Variants in ZRANB1 observed in about 807,000 individuals in gnomAD.
ZRANB1 encodes the protein zinc finger RANBP2-type containing 1.
Under a neutral mutation model 80.5 loss-of-function variants are expected in ZRANB1, and 16 were observed. That is an observed-to-expected ratio of 0.20 (90% CI 0.13 to 0.30). The LOEUF (loss-of-function observed/expected upper bound fraction) is 0.30. ZRANB1 is among the 10% of genes least tolerant of loss of function. The pLI, the probability that ZRANB1 is intolerant of heterozygous loss-of-function variation, is 1.00. For synonymous variants in ZRANB1, 291 were observed against 293.1 expected, an observed-to-expected ratio of 0.99 and a Z score of 0.07; for missense variants, 576 against 862.6, an observed-to-expected ratio of 0.67 and a Z score of 4.16.
intron 1 of ZRANB1, among the ~76,000 whole-genome samples, chr10:124,960,222 C>A (rs1951722004): frequency 6.6e-6 from 1 of 152,054 alleles, no homozygotes; most frequent in Non-Finnish European, 1.5e-5. Context: ...TTTTCAGTGG[C>A]AAATTATAGG....
At chr10:124,959,568 G>A (rs1344838108) in intron 1 of ZRANB1, among the ~76,000 whole-genome samples, 5 of 152,004 alleles carry the variant, frequency 3.3e-5, no homozygotes, top group Non-Finnish European at 5.9e-5. Context: ...TTGGGCTCAA[G>A]GGATCCTCTC....
In ZRANB1 at chr10:124,986,834, G is replaced by A. The variant is rs1192489920; in HGVS notation, c.*1842G>A. ...CCCTCCCAATTGAAAAAGCCAAAGA[G>A]AATTGTTAGAGGGAAAAGCATGTAG... On this transcript the variant is annotated 3_prime_UTR_variant, in exon 9 of 9. Coordinates refer to ENST00000359653, the MANE Select transcript of ZRANB1 (RefSeq NM_017580.3). The A allele has an allele frequency of 6.6e-6, 1 of 152,186 alleles. No individual in the cohort carries two copies. The highest frequency in any genetic ancestry group is 1.9e-4 in the East Asian group (1 of 5,192). The allele number at this position is 152,186 out of a possible 1,614,324, so 9.4% of individuals were successfully genotyped here. A position where few individuals can be genotyped will look rare whatever the true frequency, so the allele number is the denominator to read the frequency against.
rs1489797741 is a variant in ZRANB1 at position 124,987,516 on chromosome 10, T to G, written c.*2524T>G. On this transcript the variant is annotated 3_prime_UTR_variant, in exon 9 of 9. Coordinates refer to ENST00000359653, the MANE Select transcript of ZRANB1 (RefSeq NM_017580.3). ...ACATATTCGTGAAGGTAAGATATTC[T>G]GTGTGCGCTTGGCCTCCTTTTCACG... 1 of 152,220 alleles carries G rather than the reference T, an allele frequency of 6.6e-6. No homozygotes were observed. The highest frequency in any genetic ancestry group is 6.5e-5 in the Admixed American group (1 of 15,288). The allele number at this position is 152,220 out of a possible 1,614,324, so 9.4% of individuals were successfully genotyped here.
Position 124,988,052 on chromosome 10 carries a change from A to C in ZRANB1, c.*3060A>C, listed in dbSNP as rs1157224508. 2 of 150,116 alleles carry C rather than the reference A, an allele frequency of 1.3e-5. No individual in the cohort carries two copies. Among genetic ancestry groups the C allele is most frequent in the African/African-American group, 2.5e-5 (1 of 39,904 alleles). 9.3% of individuals were successfully genotyped at this position (150,116 alleles called of 1,614,324 possible). A position where few individuals can be genotyped will look rare whatever the true frequency, so the allele number is the denominator to read the frequency against. ...GGGGTAGATTAAAGTCAGAACTCTA[A>C]AAGTTGAGCAACTTTGTTTTTTTTT... On this transcript the variant is annotated 3_prime_UTR_variant, in exon 9 of 9. Coordinates refer to ENST00000359653, the MANE Select transcript of ZRANB1 (RefSeq NM_017580.3).
chr10:124,933,186 G>C, the ZRANB1 span, among the ~76,000 whole-genome samples: 1 of 147,180 alleles, frequency 6.8e-6, no homozygotes, highest in Non-Finnish European at 1.5e-5. Context: ...GCCCAGGCTG[G>C]AGAGCAATGG....
chr10:124,936,446 G>A, the ZRANB1 span, among the ~76,000 whole-genome samples: 1 of 152,168 alleles, frequency 6.6e-6, no homozygotes, highest in Non-Finnish European at 1.5e-5. Context: ...TATTAATAGT[G>A]TCATTAATGG....
chr10:124,925,809 C>T, the ZRANB1 span, among the ~76,000 whole-genome samples: 2 of 152,256 alleles, frequency 1.3e-5, no homozygotes, highest in South Asian at 2.1e-4. Context: ...TGTTGAAACA[C>T]ACTTAGTTTT....
chr10:124,960,398 A>G (rs1236217648), intron 1 of ZRANB1, among the ~76,000 whole-genome samples: 3 of 152,146 alleles, frequency 2.0e-5, no homozygotes, highest in African/African-American at 7.2e-5. Context: ...ATAAATTATG[A>G]AAGTTTTTCC....
intron 2 of ZRANB1, among the ~76,000 whole-genome samples, chr10:124,968,873 T>G (rs915452866): frequency 6.6e-6 from 1 of 152,206 alleles, no homozygotes; most frequent in Non-Finnish European, 1.5e-5. Context: ...ACAGATTGTC[T>G]GGAAACTTAG....
At chr10:124,953,755 TTGA>T (rs1303736345) in intron 1 of ZRANB1, among the ~76,000 whole-genome samples, 1 of 152,256 alleles carries the variant, frequency 6.6e-6, no homozygotes, top group Non-Finnish European at 1.5e-5. Context: ...TACTTCTGTG[TTGA>T]TAGCTCAGTT....
At position 124,981,689 on chromosome 10, in the gene ZRANB1, T is replaced by A. The variant is rs755740970; in HGVS notation, c.1428-20T>A. 6 of 1,583,344 alleles carry A rather than the reference T, an allele frequency of 3.8e-6. No homozygotes were observed. The South Asian group carries it at 7.1e-5, about 19-fold the overall frequency. On this transcript the variant is annotated intron_variant, in intron 5 of 8. Transcript: ENST00000359653. Reference sequence around the variant, plus strand: ...TATAGAAGACTATTTATTTATTTTTTTACTATCCTGCTTTTTTAGGTTTTA... The same window carrying A: ...TATAGAAGACTATTTATTTATTTTTATACTATCCTGCTTTTTTAGGTTTTA...
At chr10:124,967,599 T>C (rs10751610) in intron 2 of ZRANB1, among the ~76,000 whole-genome samples, 146,637 of 152,150 alleles carry the variant, frequency 0.96, 70,764 homozygotes, top group Non-Finnish European at 0.99. Flanking sequence ...TGGAGAGGGG[T>C]GAGCCTGGTT....
chr10:124,929,969 T>C, the ZRANB1 span, among the ~76,000 whole-genome samples: 10 of 143,452 alleles, frequency 7.0e-5, no homozygotes, highest in South Asian at 1.8e-3. Flanking sequence ...AAAAAAGATA[T>C]GGGGTACTTT....
the ZRANB1 span, among the ~76,000 whole-genome samples, chr10:124,918,060 T>G: frequency 1.3e-5 from 2 of 152,202 alleles, no homozygotes; most frequent in Non-Finnish European, 1.5e-5. Flanking sequence ...TTGATTACCC[T>G]TTTCTGTAAC....
At chr10:124,922,715 C>T in the ZRANB1 span, among the ~76,000 whole-genome samples, 8 of 150,976 alleles carry the variant, frequency 5.3e-5, no homozygotes, top group African/African-American at 1.9e-4. Flanking sequence ...CGGCTGGTCT[C>T]GAACTGACCT....
chr10:124,940,563 A>AT (rs1410733198), upstream of ZRANB1: 3 of 1,284,088 alleles, frequency 2.3e-6, no homozygotes, highest in African/African-American at 4.6e-5. Context: ...TGTGGTTTTT[A>AT]TTTTAGCTAT....
chr10:124,953,980 T>TC (rs1951665469), intron 1 of ZRANB1, among the ~76,000 whole-genome samples: 1 of 151,886 alleles, frequency 6.6e-6, no homozygotes, highest in Non-Finnish European at 1.5e-5. Flanking sequence ...TTCTTTTTTT[T>TC]CTGGAGACAG....
Position 124,986,289 on chromosome 10 carries a change from GCGCA to G in ZRANB1, c.*1299_*1302del, listed in dbSNP as rs1205130757. 44 of 108,438 alleles carry G rather than the reference GCGCA, an allele frequency of 4.1e-4. No individual in the cohort carries two copies. Among genetic ancestry groups the G allele is most frequent in the African/African-American group, 1.4e-3 (38 of 27,626 alleles). The allele number at this position is 108,438 out of a possible 1,614,324, so 6.7% of individuals were successfully genotyped here. A position where few individuals can be genotyped will look rare whatever the true frequency, so the allele number is the denominator to read the frequency against. On this transcript the variant is annotated 3_prime_UTR_variant, in exon 9 of 9. Coordinates refer to ENST00000359653, the MANE Select transcript of ZRANB1 (RefSeq NM_017580.3). Reference sequence around the variant, plus strand: ...AAAGACGACACACGCACGCGCGCGCGCGCACACACACACACACACACACACACAC... The same window carrying G: ...AAAGACGACACACGCACGCGCGCGCGCACACACACACACACACACACACAC...
At chr10:124,927,390 TG>T in the ZRANB1 span, among the ~76,000 whole-genome samples, 1 of 152,252 alleles carries the variant, frequency 6.6e-6, no homozygotes, top group Admixed American at 6.5e-5. Context: ...AATACACTTG[TG>T]AGTGGAATTC....
Sources: allele counts gnomAD v4.1 joint callset (sites outside exome capture counted in the v4.1 genomes callset), GRCh38; gene constraint gnomAD v4.1.1; transcripts MANE v1.5; gene names NCBI Gene and HGNC (gene_info 2026-07-23, HGNC 2026-07-21).